The following LRP1B variants were observed in gnomAD, a reference collection of about 807,000 sequenced individuals.
LRP1B encodes the protein low-density lipoprotein receptor-related protein 1B.
In LRP1B, 217 loss-of-function variants were observed where a neutral mutation model predicts 556.6. The ratio of observed to expected loss-of-function variants is 0.39; its 90% CI spans 0.35 to 0.44. The LOEUF is 0.44. Among genes scored for constraint, LRP1B ranks in the 20% least tolerant of loss-of-function variants. The pLI is 1.00. For synonymous variants in LRP1B, 2,047 were observed against 1,865.8 expected, an observed-to-expected ratio of 1.10 and a Z score of -2.50; for missense variants, 5,053 against 5,620.8, an observed-to-expected ratio of 0.90 and a Z score of 3.23.
At chr2:140,849,200 C>CAAAAAAAAAAAAAA (rs70988447) in intron 29 of LRP1B, among the ~76,000 whole-genome samples, 109 of 100,494 alleles carry the variant, frequency 1.1e-3, no homozygotes, top group Non-Finnish European at 1.3e-3. Flanking sequence ...ACTAAAAATA[C>CAAAAAAAAAAAAAA]AAAAAAAAAA....
At chr2:141,060,778 T>C (rs531057091) in intron 8 of LRP1B, among the ~76,000 whole-genome samples, 2 of 151,804 alleles carry the variant, frequency 1.3e-5, no homozygotes, top group South Asian at 4.1e-4. Flanking sequence ...AATTACACCC[T>C]AGGCAGAGGT....
intron 7 of LRP1B, among the ~76,000 whole-genome samples, chr2:141,111,790 C>T (rs930706037): frequency 3.9e-5 from 6 of 152,076 alleles, no homozygotes; most frequent in Non-Finnish European, 7.4e-5. Context: ...GTGGCTCACG[C>T]CTGTAATCCC....
At chr2:142,115,145 C>A (rs1009957463) in intron 1 of LRP1B, among the ~76,000 whole-genome samples, 1 of 151,616 alleles carries the variant, frequency 6.6e-6, no homozygotes, top group Non-Finnish European at 1.5e-5. Flanking sequence ...TTTAAGATAA[C>A]CTTATGATAC....
intron 2 of LRP1B, among the ~76,000 whole-genome samples, chr2:141,808,374 T>C (rs1019970319): frequency 3.3e-5 from 5 of 152,086 alleles, no homozygotes; most frequent in Non-Finnish European, 7.4e-5. Context: ...TGGAAGTCTT[T>C]CCTTGTAGCT....
At chr2:141,891,480 C>G (rs368934265) in intron 1 of LRP1B, among the ~76,000 whole-genome samples, 1 of 152,032 alleles carries the variant, frequency 6.6e-6, no homozygotes, top group Non-Finnish European at 1.5e-5. Context: ...TAACCTTAAG[C>G]AAAGGTTATA....
rs1338481204 is a variant in LRP1B, at chr2:141,096,661, A to AGG, written c.1014-34389_1014-34388insCC. ...GAGAGAGAGAGAGAGAGAGAGAGAG[A>AGG]GAGAGAGAGAGAGAGAGAGAGAGAG... is the stretch of plus-strand genomic sequence containing the variant. On this transcript the variant is annotated intron_variant, in intron 7 of 90. Transcript: ENST00000389484. Among the ~76,000 whole-genome samples, 317 of 84,780 alleles carry AGG rather than the reference A, an allele frequency of 3.7e-3. 37 individuals carry two copies. In the East Asian group the frequency reaches 0.11, roughly 29 times the overall value. 55.6% of individuals were successfully genotyped at this position (84,780 alleles called of 152,430 possible). A position where few individuals can be genotyped will look rare whatever the true frequency, so the allele number is the denominator to read the frequency against.
chr2:141,959,804 A>G lies in LRP1B; in HGVS notation c.83-149403T>C, dbSNP rs138596825. 2.7e-3 allele frequency among the ~76,000 whole-genome samples: 414 copies of G among 152,076 alleles called. 1 individual carries two copies. The highest frequency in any genetic ancestry group is 9.2e-3 in the African/African-American group (383 of 41,546). ...CTCAATTAGAATTAGGCAATATTTC[A>G]AATGTTTAATAGACACATGTGGCTG... On this transcript the variant is annotated intron_variant, in intron 1 of 90. Coordinates refer to ENST00000389484, the MANE Select transcript of LRP1B (RefSeq NM_018557.3).
chr2:142,020,997 C>A (rs1011421214), intron 1 of LRP1B, among the ~76,000 whole-genome samples: 2 of 152,132 alleles, frequency 1.3e-5, no homozygotes, highest in Non-Finnish European at 2.9e-5. Context: ...TCTGGCCTCA[C>A]AAAATAGAAC....
chr2:140,851,712 T>C lies in LRP1B; in HGVS notation c.4651A>G (p.Ser1551Gly), dbSNP rs747216033. The change falls in exon 28 of 91, where the codon AGT becomes GGT. Residue 1551 changes from serine to glycine, a missense_variant. By Grantham distance (56) the Ser-to-Gly change is moderately conservative. Coordinates refer to ENST00000389484, the MANE Select transcript of LRP1B (RefSeq NM_018557.3). Reference protein sequence around the residue: ...SHMCLINHNRSAACACPHLMK... With the variant: ...SHMCLINHNRGAACACPHLMK... ...AAGTGGGGGCACGCACAGGCAGCAC[T>C]CCTATTGTGATTGATTAGACACATG... The C allele has an allele frequency of 2.5e-6, 4 of 1,611,734 alleles. No individual in the cohort carries two copies. Among genetic ancestry groups the C allele is most frequent in the East Asian group, 2.2e-5 (1 of 44,798 alleles).
chr2:141,858,792 G>A (rs72994938), intron 1 of LRP1B, among the ~76,000 whole-genome samples: 29 of 152,254 alleles, frequency 1.9e-4, no homozygotes, highest in Non-Finnish European at 3.4e-4. Context: ...TGTTATCTAC[G>A]TTTGTGGATA....
intron 3 of LRP1B, among the ~76,000 whole-genome samples, chr2:141,467,077 T>C (rs72485545): frequency 0.34 from 49,130 of 142,424 alleles, 9,113 homozygotes; most frequent in Non-Finnish European, 0.4. Flanking sequence ...GATATATATA[T>C]ACACACACAC....
At chr2:140,717,388 G>A (rs1359436086) in intron 35 of LRP1B, among the ~76,000 whole-genome samples, 1 of 152,012 alleles carries the variant, frequency 6.6e-6, no homozygotes, top group Non-Finnish European at 1.5e-5. Flanking sequence ...TAAGGTACGA[G>A]TTTCTTAAAT....
chr2:141,185,189 A>G (rs1225283624), intron 7 of LRP1B, among the ~76,000 whole-genome samples: 5 of 152,088 alleles, frequency 3.3e-5, no homozygotes, highest in Non-Finnish European at 5.9e-5. Flanking sequence ...CAGCACTATC[A>G]TAATTCACAT....
At chr2:140,298,689 A>C (rs962202907) in intron 83 of LRP1B, among the ~76,000 whole-genome samples, 3 of 152,058 alleles carry the variant, frequency 2.0e-5, no homozygotes, top group Non-Finnish European at 4.4e-5. Context: ...ATTTTTCTTT[A>C]TTTACTCTGT....
intron 7 of LRP1B, among the ~76,000 whole-genome samples, chr2:141,169,817 A>G (rs1680421390): frequency 6.6e-6 from 1 of 151,686 alleles, no homozygotes; most frequent in Admixed American, 6.6e-5. Flanking sequence ...AAAAAAAAAA[A>G]AAAAGAATAG....
Position 141,319,300 on chromosome 2 carries a change from T to G in LRP1B, c.344-64659A>C, listed in dbSNP as rs13029203. On this transcript the variant is annotated intron_variant, in intron 3 of 90. Transcript: ENST00000389484. Reference sequence around the variant, plus strand: ...ATAATGTAGTCTCTAAAAAGCAGTGTTTTTTTGTTGTTTTTTTTTTTTTTC... The same window carrying G: ...ATAATGTAGTCTCTAAAAAGCAGTGGTTTTTTGTTGTTTTTTTTTTTTTTC... 2.5e-3 allele frequency among the ~76,000 whole-genome samples: 260 copies of G among 103,970 alleles called. 6 individuals are homozygous for G. The East Asian group carries it at 0.086, about 34-fold the overall frequency. 68.2% of individuals were successfully genotyped at this position (103,970 alleles called of 152,430 possible).
rs888789069 is a variant in LRP1B, at chr2:140,488,875, T to G, written c.9121-1136A>C. ...ACAAGCATCTTCAGAGAGGCAGGGG[T>G]TTTTTATTTGTTTTAGCTTGGTTGC... On this transcript the variant is annotated intron_variant, in intron 57 of 90. Coordinates refer to ENST00000389484, the MANE Select transcript of LRP1B (RefSeq NM_018557.3). 1.6e-4 allele frequency among the ~76,000 whole-genome samples: 25 copies of G among 151,562 alleles called. 1 individual carries two copies. The highest frequency in any genetic ancestry group is 6.1e-4 in the African/African-American group (25 of 41,272).
At chr2:140,828,541 G>A (rs1163669930) in intron 31 of LRP1B, among the ~76,000 whole-genome samples, 5 of 132,910 alleles carry the variant, frequency 3.8e-5, no homozygotes, top group African/African-American at 8.3e-5. Context: ...CCTGGGAGGC[G>A]GAGCTTGCAG....
intron 1 of LRP1B, among the ~76,000 whole-genome samples, chr2:141,831,530 T>G (rs1248234679): frequency 6.6e-6 from 1 of 151,586 alleles, no homozygotes; most frequent in African/African-American, 2.4e-5. Context: ...TAAGCCTAAA[T>G]GAAGGTAGGA....
Sources: allele counts gnomAD v4.1 joint callset (sites outside exome capture counted in the v4.1 genomes callset), GRCh38; gene constraint gnomAD v4.1.1; transcripts MANE v1.5; gene names NCBI Gene and HGNC (gene_info 2026-07-23, HGNC 2026-07-21).